PCDHGB7: variants seen among roughly 807,000 people sequenced by gnomAD.
PCDHGB7 encodes protocadherin gamma subfamily B, 7, also known as protocadherin gamma-B7.
In PCDHGB7, 37 loss-of-function variants were observed where a neutral mutation model predicts 61.4. That is an observed-to-expected ratio of 0.60 (90% CI 0.46 to 0.79). The LOEUF is 0.79. Among genes scored for constraint, PCDHGB7 ranks in the 30% least tolerant of loss-of-function variants. PCDHGB7 has a pLI of 0.00. For synonymous variants in PCDHGB7, 464 were observed against 503.5 expected, an observed-to-expected ratio of 0.92 and a Z score of 1.05; for missense variants, 1,166 against 1,202.5, an observed-to-expected ratio of 0.97 and a Z score of 0.45.
At chr5:141,426,334 C>T (rs551131722) in intron 1 of PCDHGB7, 1 of 186,734 alleles carries the variant, frequency 5.4e-6, no homozygotes, top group South Asian at 1.1e-4. Flanking sequence ...GTGGCAAGCA[C>T]TCTTCCCTTT....
Position 141,431,352 on chromosome 5 carries a change from G to C in PCDHGB7, c.2415+11078G>C. Reference sequence around the variant, plus strand: ...AAGTACCCCGAATTGGTGCTGAAACGCGCCCTGGACCGCGAAGAAAAGGCT... The same window carrying C: ...AAGTACCCCGAATTGGTGCTGAAACCCGCCCTGGACCGCGAAGAAAAGGCT... On this transcript the variant is annotated intron_variant, in intron 1 of 3. Coordinates refer to ENST00000398594, the MANE Select transcript of PCDHGB7 (RefSeq NM_018927.4). This position sits in a 1 kb window ranked among gnomAD's most constrained non-coding sequence, Gnocchi z 4.8. The C allele has an allele frequency of 6.2e-7, 1 of 1,614,044 alleles. No individual in the cohort carries two copies. The highest frequency in any genetic ancestry group is 8.5e-7 in the Non-Finnish European group (1 of 1,180,032).
chr5:141,447,018 G>GT (rs1329161304), intron 1 of PCDHGB7, among the ~76,000 whole-genome samples: 6 of 142,194 alleles, frequency 4.2e-5, no homozygotes, highest in African/African-American at 1.6e-4. Context: ...GTTCAGTTTT[G>GT]TTTTGTTTTT....
intron 1 of PCDHGB7, among the ~76,000 whole-genome samples, chr5:141,459,692 G>A (rs891511502): frequency 2.6e-5 from 4 of 152,134 alleles, no homozygotes; most frequent in African/African-American, 9.7e-5. Flanking sequence ...AAAGCGTTCC[G>A]CTTGCTACAT....
Position 141,491,739 on chromosome 5 carries a change from C to T in PCDHGB7, c.2416-3068C>T. ...CGCCGCCCCGGGCGACCCCTGGGGG[C>T]GGCACTGGAGAAGCCGCCCGTCCTC... On this transcript the variant is annotated intron_variant, in intron 1 of 3. Transcript: ENST00000398594. This position sits in a 1 kb window ranked among gnomAD's most constrained non-coding sequence, Gnocchi z 6.9. The T allele has an allele frequency of 1.3e-6, 2 of 1,599,004 alleles. No individual in the cohort carries two copies. Among genetic ancestry groups the T allele is most frequent in the East Asian group, 2.3e-5 (1 of 44,194 alleles).
chr5:141,481,729 G>A (rs757464454), intron 1 of PCDHGB7, among the ~76,000 whole-genome samples: 6 of 151,966 alleles, frequency 3.9e-5, no homozygotes, highest in Admixed American at 1.3e-4. Flanking sequence ...GGAGGCGGGC[G>A]GATCACGAGG....
chr5:141,420,009 A>T lies in PCDHGB7; in HGVS notation c.2150A>T (p.Gln717Leu). The change falls in exon 1 of 4, where the codon CAG becomes CTG. Residue 717 changes from glutamine to leucine, a missense_variant. Coordinates refer to ENST00000398594, the MANE Select transcript of PCDHGB7 (RefSeq NM_018927.4). ...CTAGCTATTGCTCTACGCCTGCGAC[A>T]GTCTTTCAGCCCTACTGCAGGAGAC... ...VILAIALRLR[Q>L]SFSPTAGDCF... The T allele has an allele frequency of 6.2e-7, 1 of 1,614,088 alleles. No individual in the cohort carries two copies. The highest frequency in any genetic ancestry group is 8.5e-7 in the Non-Finnish European group (1 of 1,179,912).
chr5:141,420,321 C>G (rs763682825), intron 1 of PCDHGB7, 47 bp downstream of exon 1: 2 of 1,410,974 alleles, frequency 1.4e-6, no homozygotes, highest in Non-Finnish European at 1.9e-6. Flanking sequence ...TACAATATGC[C>G]AATATATTCC....
chr5:141,491,118 T>C lies in PCDHGB7; in HGVS notation c.2416-3689T>C, dbSNP rs1421005816. Reference sequence around the variant, plus strand: ...TGTTCCTCGTGTCTACACACACTGGTGAGGTGCGCACAGCCCGGGCCTTAC... The same window carrying C: ...TGTTCCTCGTGTCTACACACACTGGCGAGGTGCGCACAGCCCGGGCCTTAC... On this transcript the variant is annotated intron_variant, in intron 1 of 3. Coordinates refer to ENST00000398594, the MANE Select transcript of PCDHGB7 (RefSeq NM_018927.4). This position sits in a 1 kb window ranked among gnomAD's most constrained non-coding sequence, Gnocchi z 6.9. The C allele has an allele frequency of 1.2e-6, 2 of 1,613,926 alleles. No homozygotes were observed. Among genetic ancestry groups the C allele is most frequent in the African/African-American group, 2.7e-5 (2 of 74,890 alleles).
At chr5:141,438,249 A>G (rs1166079222) in intron 1 of PCDHGB7, among the ~76,000 whole-genome samples, 2 of 152,168 alleles carry the variant, frequency 1.3e-5, no homozygotes, top group Non-Finnish European at 2.9e-5. Context: ...AAAAACTGTC[A>G]TTGAAGAGAC....
rs1232672788 is a variant in PCDHGB7, at chr5:141,431,315, G to A, written c.2415+11041G>A. The A allele has an allele frequency of 6.2e-7, 1 of 1,614,080 alleles. No individual in the cohort carries two copies. Among genetic ancestry groups the A allele is most frequent in the South Asian group, 1.1e-5 (1 of 91,078 alleles). On this transcript the variant is annotated intron_variant, in intron 1 of 3. Coordinates refer to ENST00000398594, the MANE Select transcript of PCDHGB7 (RefSeq NM_018927.4). The surrounding 1 kb of genome is among the most constrained non-coding windows in gnomAD (Gnocchi z 4.8). ...CTTCTCCCTCATCGTGCAAAATGGAGCCGACGGTAGTAAGTACCCCGAATT... is the reference window on the plus strand; with the variant it reads ...CTTCTCCCTCATCGTGCAAAATGGAACCGACGGTAGTAAGTACCCCGAATT...
chr5:141,421,795 GC>G, intron 1 of PCDHGB7: 1 of 1,613,818 alleles, frequency 6.2e-7, no homozygotes, highest in East Asian at 2.2e-5. Context: ...AACGGATGGG[GC>G]CAAGAATCCA....
intron 2 of PCDHGB7, among the ~76,000 whole-genome samples, chr5:141,503,681 A>C (rs1313633991): frequency 6.6e-6 from 1 of 152,102 alleles, no homozygotes; most frequent in Non-Finnish European, 1.5e-5. Context: ...ACTTTTGGGA[A>C]GGAGAATTGA....
chr5:141,483,750 A>G (rs1453478545), intron 1 of PCDHGB7, among the ~76,000 whole-genome samples: 1 of 152,138 alleles, frequency 6.6e-6, no homozygotes, highest in African/African-American at 2.4e-5. Flanking sequence ...ATTCCTGAGG[A>G]TCGAGGCTTG....
chr5:141,428,114 C>T (rs2097111703), intron 1 of PCDHGB7: 1 of 1,607,084 alleles, frequency 6.2e-7, no homozygotes, highest in Admixed American at 1.7e-5. Context: ...TGCAGGCCAT[C>T]GAGCCCGGGC....
At chr5:141,501,510 T>A (rs11744379) in intron 2 of PCDHGB7, among the ~76,000 whole-genome samples, 1 of 151,824 alleles carries the variant, frequency 6.6e-6, no homozygotes, top group African/African-American at 2.4e-5. Flanking sequence ...CTCCAAGGCC[T>A]CCAAGCTGAA....
At chr5:141,458,090 G>C (rs1306631184) in intron 1 of PCDHGB7, among the ~76,000 whole-genome samples, 2 of 152,234 alleles carry the variant, frequency 1.3e-5, no homozygotes, top group Non-Finnish European at 1.5e-5. Context: ...CGTAAGTTAA[G>C]AGTACTTACA....
At chr5:141,452,951 G>A (rs1397204185) in intron 1 of PCDHGB7, among the ~76,000 whole-genome samples, 1 of 152,154 alleles carries the variant, frequency 6.6e-6, no homozygotes, top group Admixed American at 6.6e-5. Context: ...GCAATTGGTT[G>A]TCTTTAAACT....
At chr5:141,423,470 A>G in intron 1 of PCDHGB7, 1 of 1,614,002 alleles carries the variant, frequency 6.2e-7, no homozygotes, top group Non-Finnish European at 8.5e-7. Context: ...GACGGGGTAC[A>G]GGCTTTCCTG....
intron 1 of PCDHGB7, among the ~76,000 whole-genome samples, chr5:141,434,129 G>T (rs1242855904): frequency 6.6e-6 from 1 of 152,092 alleles, no homozygotes; most frequent in East Asian, 1.9e-4. Flanking sequence ...CTCCCTTTAG[G>T]CTGATTTCTA....
Sources: allele counts gnomAD v4.1 joint callset (sites outside exome capture counted in the v4.1 genomes callset), GRCh38; gene constraint gnomAD v4.1.1; non-coding constraint Gnocchi (gnomAD v3.1); transcripts MANE v1.5; gene names NCBI Gene and HGNC (gene_info 2026-07-23, HGNC 2026-07-21).